The following FGF14 variants were observed in gnomAD, a reference collection of about 807,000 sequenced individuals.
FGF14 encodes the protein fibroblast growth factor homologous factor 4.
A neutral mutation model predicts 25.5 loss-of-function variants in FGF14; 5 were observed. The observed-to-expected ratio is 0.20, with a 90% CI of 0.10 to 0.41. The LOEUF (loss-of-function observed/expected upper bound fraction) is 0.41, where lower values mean the gene tolerates loss of function less well. Ranked by LOEUF, FGF14 falls within the 10% of genes least tolerant of loss-of-function variation. FGF14 has a pLI of 1.00. For missense variants in FGF14, 222 were observed against 320.1 expected, an observed-to-expected ratio of 0.69 and a Z score of 2.34; for synonymous variants, 138 against 118.3, an observed-to-expected ratio of 1.17 and a Z score of -1.08.
chr13:102,398,343 T>G (rs925878901), intron 1 of FGF14, among the ~76,000 whole-genome samples: 8 of 152,324 alleles, frequency 5.3e-5, no homozygotes, highest in Admixed American at 2.0e-4. Flanking sequence ...AACTTGATTA[T>G]ATAGCGGTGC....
intron 1 of FGF14, among the ~76,000 whole-genome samples, chr13:102,344,725 T>C (rs2057052057): frequency 6.6e-6 from 1 of 152,224 alleles, no homozygotes; most frequent in South Asian, 2.1e-4. Flanking sequence ...AGCATAGTCA[T>C]GCACATGAGG....
intron 3 of FGF14, among the ~76,000 whole-genome samples, chr13:101,744,652 A>C (rs1014089459): frequency 3.3e-5 from 5 of 152,128 alleles, no homozygotes; most frequent in Non-Finnish European, 5.9e-5. Flanking sequence ...TACAGCCTAA[A>C]AGAAATAGCT....
At chr13:101,979,548 T>C (rs889004013) in intron 1 of FGF14, among the ~76,000 whole-genome samples, 1 of 152,180 alleles carries the variant, frequency 6.6e-6, no homozygotes, top group Non-Finnish European at 1.5e-5. Context: ...GTCCCCATCA[T>C]TCCCAAACCT....
intron 1 of FGF14, among the ~76,000 whole-genome samples, chr13:102,107,556 A>C (rs2044983768): frequency 6.6e-6 from 1 of 152,202 alleles, no homozygotes; most frequent in Non-Finnish European, 1.5e-5. Context: ...GAAAAATGCC[A>C]GTATTTATTG....
intron 1 of FGF14, among the ~76,000 whole-genome samples, chr13:102,016,369 T>A (rs111554673): frequency 0.032 from 4,885 of 152,186 alleles, 251 homozygotes; most frequent in African/African-American, 0.11. Context: ...ATATTTTAAA[T>A]TTTAAAAATT....
intron 1 of FGF14, among the ~76,000 whole-genome samples, chr13:102,111,317 A>C (rs2045213368): frequency 6.6e-6 from 1 of 152,212 alleles, no homozygotes; most frequent in South Asian, 2.1e-4. Context: ...CAGCCTCAAA[A>C]CTTAGCCTAG....
intron 1 of FGF14, among the ~76,000 whole-genome samples, chr13:102,022,234 C>T (rs1250177985): frequency 1.3e-5 from 2 of 152,044 alleles, no homozygotes; most frequent in Non-Finnish European, 2.9e-5. Context: ...GTTGCCTCTA[C>T]TGGAACTCCA....
intron 1 of FGF14, among the ~76,000 whole-genome samples, chr13:102,358,109 T>A (rs1262452167): frequency 6.6e-6 from 1 of 152,226 alleles, no homozygotes. Context: ...GAACTTTATA[T>A]TAAAATTATT....
chr13:101,735,109 G>A (rs2036086540), intron 3 of FGF14, among the ~76,000 whole-genome samples: 2 of 152,114 alleles, frequency 1.3e-5, no homozygotes, highest in South Asian at 4.2e-4. Context: ...GGGGAGCAGA[G>A]CCAGGTTGAT....
intron 3 of FGF14, among the ~76,000 whole-genome samples, chr13:101,753,329 ACG>A (rs1422177524): frequency 6.9e-6 from 1 of 145,004 alleles, no homozygotes; most frequent in Non-Finnish European, 1.5e-5. Context: ...ACACACACAC[ACG>A]GTCTGTAATT....
At chr13:102,278,627 A>AAT (rs10578533) in intron 1 of FGF14, among the ~76,000 whole-genome samples, 3,334 of 147,452 alleles carry the variant, frequency 0.023, 106 homozygotes, top group African/African-American at 0.067. Context: ...CATTTTATGT[A>AAT]ATATATATAT....
At chr13:102,235,441 G>A (rs2051284928) in intron 1 of FGF14, among the ~76,000 whole-genome samples, 1 of 152,084 alleles carries the variant, frequency 6.6e-6, no homozygotes, top group Non-Finnish European at 1.5e-5. Flanking sequence ...AAGTGCCCTG[G>A]TCACCTGGGA....
At chr13:101,757,615 T>A (rs1167641154) in intron 3 of FGF14, among the ~76,000 whole-genome samples, 1 of 152,216 alleles carries the variant, frequency 6.6e-6, no homozygotes, top group African/African-American at 2.4e-5. Context: ...TTACTTTATA[T>A]GCACCCTGAT....
At chr13:102,161,489 G>A (rs1208961835) in intron 1 of FGF14, among the ~76,000 whole-genome samples, 2 of 151,822 alleles carry the variant, frequency 1.3e-5, no homozygotes, top group Non-Finnish European at 2.9e-5. Context: ...GTCAGTGTAA[G>A]CTTGCCTTTG....
At chr13:102,329,677 A>G (rs944831998) in intron 1 of FGF14, among the ~76,000 whole-genome samples, 1 of 151,964 alleles carries the variant, frequency 6.6e-6, no homozygotes, top group Non-Finnish European at 1.5e-5. Context: ...AGCTGCTCAG[A>G]CCTGTGGATG....
At chr13:101,763,682 A>G (rs1159787906) in intron 3 of FGF14, among the ~76,000 whole-genome samples, 1 of 152,186 alleles carries the variant, frequency 6.6e-6, no homozygotes, top group Non-Finnish European at 1.5e-5. Context: ...CAACATGGTG[A>G]AACCCCATCT....
chr13:102,308,981 A>C lies in FGF14; in HGVS notation c.208+92490T>G, dbSNP rs1436535706. On this transcript the variant is annotated intron_variant, in intron 1 of 4. Coordinates refer to the FGF14 transcript ENST00000376131. ...AAAAAGAGCACTCCAAAGTATCTGC[A>C]GAAATGTAGTGAGTTTTCCAAGACC... Among the ~76,000 whole-genome samples, 10 of 152,082 alleles carry C rather than the reference A, an allele frequency of 6.6e-5. No homozygotes were observed. In the East Asian group the frequency reaches 9.7e-4, roughly 15 times the overall value.
chr13:102,028,552 T>C (rs987757801), intron 1 of FGF14, among the ~76,000 whole-genome samples: 5 of 152,050 alleles, frequency 3.3e-5, no homozygotes, highest in Admixed American at 3.3e-4. Context: ...GACTAAAGCA[T>C]TGATCAAATG....
chr13:101,859,466 G>T (rs2044297270), intron 3 of FGF14, among the ~76,000 whole-genome samples: 1 of 152,172 alleles, frequency 6.6e-6, no homozygotes, highest in East Asian at 1.9e-4. Context: ...CTTCGCACAT[G>T]TTGTACAATA....
Sources: gnomAD v4.1 joint callset for allele counts (sites outside exome capture counted in the v4.1 genomes callset) on GRCh38, gnomAD v4.1.1 for gene constraint, MANE v1.5 for transcripts, NCBI Gene and HGNC (gene_info 2026-07-23, HGNC 2026-07-21) for gene names.